CLASP1: variants seen among roughly 807,000 people sequenced by gnomAD.
CLASP1 encodes CLIP-associating protein 1.
CLASP1 carries 38 observed loss-of-function variants against 192.3 expected under a neutral mutation model. That is an observed-to-expected ratio of 0.20 (90% CI 0.15 to 0.26). The LOEUF (loss-of-function observed/expected upper bound fraction) is 0.26, where lower values mean the gene tolerates loss of function less well. Among genes scored for constraint, CLASP1 ranks in the 10% least tolerant of loss-of-function variants. The probability of loss-of-function intolerance (pLI) is 1.00; values close to 1 mark genes in which losing one functional copy is unlikely to be tolerated. For missense variants in CLASP1, 1,433 were observed against 1,932.5 expected, an observed-to-expected ratio of 0.74 and a Z score of 4.85; for synonymous variants, 691 against 712.8, an observed-to-expected ratio of 0.97 and a Z score of 0.49.
chr2:121,478,992 C>CA (rs2092313629), intron 8 of CLASP1, among the ~76,000 whole-genome samples: 2 of 63,374 alleles, frequency 3.2e-5, no homozygotes, highest in Admixed American at 1.6e-4. Flanking sequence ...ACCACACACC[C>CA]CACACACACA....
intron 23 of CLASP1, among the ~76,000 whole-genome samples, chr2:121,412,977 G>A (rs1195106872): frequency 6.6e-6 from 1 of 152,160 alleles, no homozygotes; most frequent in Non-Finnish European, 1.5e-5. Flanking sequence ...ATATATAGGA[G>A]GCTGGGCACG....
At chr2:121,639,490 G>A (rs1394673639) in intron 1 of CLASP1, among the ~76,000 whole-genome samples, 1 of 152,126 alleles carries the variant, frequency 6.6e-6, no homozygotes, top group African/African-American at 2.4e-5. Flanking sequence ...TGGGATGATG[G>A]AAAAGATTTG....
At chr2:121,356,638 TATC>T (rs2065441857) in intron 37 of CLASP1, among the ~76,000 whole-genome samples, 2 of 152,230 alleles carry the variant, frequency 1.3e-5, no homozygotes, top group African/African-American at 4.8e-5. Flanking sequence ...TATAAAATCT[TATC>T]ATCCAACTCT....
chr2:121,472,047 A>G (rs1270276447), intron 8 of CLASP1, among the ~76,000 whole-genome samples: 2 of 152,198 alleles, frequency 1.3e-5, no homozygotes, highest in East Asian at 1.9e-4. Flanking sequence ...TGCTGTCATT[A>G]TTCTACTACC....
chr2:121,638,632 C>T (rs559799496), intron 1 of CLASP1, among the ~76,000 whole-genome samples: 1 of 150,354 alleles, frequency 6.7e-6, no homozygotes, highest in African/African-American at 2.4e-5. Flanking sequence ...TACAATAGAA[C>T]ATTACTCAGC....
chr2:121,473,715 G>C (rs2091163637), intron 8 of CLASP1, among the ~76,000 whole-genome samples: 1 of 152,144 alleles, frequency 6.6e-6, no homozygotes, highest in Non-Finnish European at 1.5e-5. Context: ...AGAGCAGCCA[G>C]GGGAAGAGAC....
intron 35 of CLASP1, 48 bp downstream of exon 36, chr2:121,367,540 C>A (rs1424936359): frequency 6.8e-6 from 11 of 1,610,676 alleles, no homozygotes; most frequent in Non-Finnish European, 7.6e-6. Flanking sequence ...GGAGGGAGCA[C>A]AAGGGAAGCA....
At chr2:121,378,763 G>A (rs1574047500) in intron 33 of CLASP1, among the ~76,000 whole-genome samples, 1 of 152,040 alleles carries the variant, frequency 6.6e-6, no homozygotes, top group Admixed American at 6.5e-5. Context: ...AGGGACACGC[G>A]AAGAATCCTT....
At chr2:121,530,126 G>C in intron 3 of CLASP1, 121 bp downstream of exon 3, 1 of 778,452 alleles carries the variant, frequency 1.3e-6, no homozygotes, top group Non-Finnish European at 2.1e-6. Context: ...GAGCGGAAGG[G>C]AGGGAGAGGG....
chr2:121,633,028 A>ATATATATATATATATATATATATG lies in CLASP1; in HGVS notation c.-286+16343_-286+16344insCATATATATATATATATATATATA, dbSNP rs71398039. 9.7e-3 allele frequency among the ~76,000 whole-genome samples: 1,330 copies of ATATATATATATATATATATATATG among 137,076 alleles called. 47 individuals carry two copies. The highest frequency in any genetic ancestry group is 0.014 in the African/African-American group (479 of 34,146). 89.9% of individuals were successfully genotyped at this position (137,076 alleles called of 152,430 possible). ...TGTGCATATATATATATATATATAT[A>ATATATATATATATATATATATATG]GGCTTTTTTTCATGAATATAATTAA... On this transcript the variant is annotated intron_variant, in intron 1 of 39. Transcript: ENST00000263710.
chr2:121,571,399 G>A (rs576053053), intron 2 of CLASP1, among the ~76,000 whole-genome samples: 2 of 152,166 alleles, frequency 1.3e-5, no homozygotes, highest in East Asian at 3.9e-4. Context: ...TCACCATGTT[G>A]CCCAAGCTAA....
intron 2 of CLASP1, among the ~76,000 whole-genome samples, chr2:121,546,068 T>C (rs1204260191): frequency 2.0e-5 from 3 of 152,190 alleles, no homozygotes; most frequent in South Asian, 2.1e-4. Context: ...TTTCCAACCA[T>C]GGATTTCAAG....
intron 29 of CLASP1, 70 bp downstream of exon 30, chr2:121,398,252 A>G (rs1313893742): frequency 1.8e-6 from 2 of 1,135,844 alleles, no homozygotes; most frequent in Non-Finnish European, 2.6e-6. Flanking sequence ...CATGGGTCAT[A>G]CATAAACAAA....
chr2:121,354,210 C>T (rs2065007077), intron 37 of CLASP1, among the ~76,000 whole-genome samples: 1 of 152,188 alleles, frequency 6.6e-6, no homozygotes, highest in African/African-American at 2.4e-5. Flanking sequence ...TACAAATGAT[C>T]AACTTGGGCT....
intron 1 of CLASP1, among the ~76,000 whole-genome samples, chr2:121,622,022 A>G (rs1459983266): frequency 6.6e-6 from 1 of 151,752 alleles, no homozygotes; most frequent in African/African-American, 2.4e-5. Flanking sequence ...TAATTTTTGT[A>G]TTTTTAGTAG....
intron 8 of CLASP1, among the ~76,000 whole-genome samples, chr2:121,486,077 G>C (rs186942226): frequency 5.3e-5 from 8 of 152,322 alleles, no homozygotes; most frequent in African/African-American, 1.7e-4. Flanking sequence ...CCTGGGGCAA[G>C]AAACGGGCAA....
intron 1 of CLASP1, among the ~76,000 whole-genome samples, chr2:121,622,020 G>A (rs1031170854): frequency 1.3e-5 from 2 of 151,494 alleles, no homozygotes; most frequent in African/African-American, 2.4e-5. Flanking sequence ...GCTAATTTTT[G>A]TATTTTTAGT....
At chr2:121,403,170 G>A (rs1202769862) in intron 26 of CLASP1, among the ~76,000 whole-genome samples, 1 of 152,104 alleles carries the variant, frequency 6.6e-6, no homozygotes, top group East Asian at 1.9e-4. Flanking sequence ...TTTGCTGTGA[G>A]GGTCACAGCA....
intron 17 of CLASP1, 110 bp downstream of exon 17, chr2:121,448,843 G>A (rs2084876040): frequency 9.6e-7 from 1 of 1,040,816 alleles, no homozygotes; most frequent in Non-Finnish European, 1.4e-6. Flanking sequence ...AAGTAAGGGG[G>A]CGTTTTAACA....
Sources: allele counts gnomAD v4.1 joint callset (sites outside exome capture counted in the v4.1 genomes callset), GRCh38; gene constraint gnomAD v4.1.1; transcripts MANE v1.5; gene names NCBI Gene and HGNC (gene_info 2026-07-23, HGNC 2026-07-21).